Variants in SAMD12 observed in about 807,000 individuals in gnomAD.
The protein encoded by SAMD12 is sterile alpha motif domain-containing protein 12.
A neutral mutation model predicts 15.0 loss-of-function variants in SAMD12; 9 were observed. That is an observed-to-expected ratio of 0.60 (90% CI 0.36 to 1.05). The LOEUF (loss-of-function observed/expected upper bound fraction) is 1.05. Among genes scored for constraint, SAMD12 ranks in the 50% least tolerant of loss-of-function variants. The pLI is 0.01. For missense variants in SAMD12, 230 were observed against 234.2 expected (o/e 0.98, Z 0.12); for synonymous variants, 86 against 90.1 (o/e 0.96, Z 0.25).
intron 4 of SAMD12, among the ~76,000 whole-genome samples, chr8:118,215,846 T>A (rs1226371487): frequency 1.3e-5 from 2 of 152,194 alleles, no homozygotes; most frequent in African/African-American, 2.4e-5. Flanking sequence ...TGCCACATTT[T>A]CTTAATCCAG....
intron 3 of SAMD12, 113 bp from the exon 4 acceptor site, chr8:118,379,813 A>T (rs16890920): frequency 3.0e-6 from 4 of 1,314,456 alleles, no homozygotes; most frequent in Non-Finnish European, 4.1e-6. Context: ...CTAAACACAG[A>T]CATTTTAGAA....
intron 1 of SAMD12, among the ~76,000 whole-genome samples, chr8:118,592,252 C>T (rs1827600383): frequency 6.6e-6 from 1 of 151,526 alleles, no homozygotes; most frequent in Non-Finnish European, 1.5e-5. Flanking sequence ...ACCTGGGAGG[C>T]AGAGGTTGTG....
At chr8:118,211,297 G>A (rs191462369) in intron 4 of SAMD12, among the ~76,000 whole-genome samples, 2 of 152,176 alleles carry the variant, frequency 1.3e-5, no homozygotes, top group Non-Finnish European at 2.9e-5. Flanking sequence ...TATTAGAAGC[G>A]ATGGAGTCTC....
chr8:118,326,864 C>T (rs1816590929), intron 4 of SAMD12, among the ~76,000 whole-genome samples: 1 of 152,156 alleles, frequency 6.6e-6, no homozygotes, highest in African/African-American at 2.4e-5. Context: ...CTACATGATT[C>T]CATTTAGCAG....
chr8:118,465,848 G>A (rs1439153682), intron 2 of SAMD12, among the ~76,000 whole-genome samples: 1 of 152,142 alleles, frequency 6.6e-6, no homozygotes, highest in Admixed American at 6.6e-5. Flanking sequence ...AAGTGAGGCA[G>A]TCCTGGGGAT....
intron 3 of SAMD12, among the ~76,000 whole-genome samples, chr8:118,403,937 A>G (rs1341012650): frequency 1.3e-5 from 2 of 152,184 alleles, no homozygotes; most frequent in Admixed American, 6.5e-5. Context: ...GGTTTCCAGC[A>G]ATATAAGTCT....
intron 1 of SAMD12, among the ~76,000 whole-genome samples, chr8:118,600,561 A>G (rs1827834711): frequency 6.6e-6 from 1 of 152,224 alleles, no homozygotes; most frequent in Admixed American, 6.5e-5. Flanking sequence ...TTCTGGCATC[A>G]CTAGTGACTC....
At chr8:118,260,729 C>T (rs1199740610) in intron 4 of SAMD12, among the ~76,000 whole-genome samples, 1 of 152,092 alleles carries the variant, frequency 6.6e-6, no homozygotes, top group Admixed American at 6.6e-5. Flanking sequence ...CCTTGGCAGG[C>T]TATCCTGTGT....
intron 4 of SAMD12, among the ~76,000 whole-genome samples, chr8:118,291,605 C>T (rs1201592171): frequency 1.3e-5 from 2 of 152,086 alleles, no homozygotes; most frequent in Non-Finnish European, 2.9e-5. Context: ...TGCCAGTCCT[C>T]AGCTCTGAAG....
Position 118,379,375 on chromosome 8 carries a change from T to C in SAMD12, c.*42A>G. The stretch of plus-strand genomic sequence containing the variant: ...TCCATTACTTATTTGTGCATCCTTC[T>C]CCCTAGTGAGCTATGAAAAAAGTTT... On this transcript the variant is annotated 3_prime_UTR_variant, in exon 4 of 4. Coordinates refer to ENST00000314727, the MANE Select transcript of SAMD12 (RefSeq NM_207506.3). 1 of 1,592,326 alleles carries C rather than the reference T, an allele frequency of 6.3e-7. No individual in the cohort carries two copies. Among genetic ancestry groups the C allele is most frequent in the Non-Finnish European group, 8.5e-7 (1 of 1,170,710 alleles).
At chr8:118,604,859 T>C (rs942852411) in intron 1 of SAMD12, among the ~76,000 whole-genome samples, 2 of 151,832 alleles carry the variant, frequency 1.3e-5, no homozygotes, top group Non-Finnish European at 2.9e-5. Flanking sequence ...GGGACGGAGC[T>C]TGCAGTGAGC....
At chr8:118,293,331 A>G (rs1429096620) in intron 4 of SAMD12, among the ~76,000 whole-genome samples, 2 of 152,246 alleles carry the variant, frequency 1.3e-5, no homozygotes, top group Admixed American at 1.3e-4. Flanking sequence ...TTTTTAATAC[A>G]ACCAACTCTG....
chr8:118,280,350 A>C (rs1813589387), intron 4 of SAMD12, among the ~76,000 whole-genome samples: 2 of 152,204 alleles, frequency 1.3e-5, no homozygotes, highest in Admixed American at 1.3e-4. Context: ...AGTCACTCAA[A>C]GTGCACTGAA....
At chr8:118,565,656 T>G (rs2131221242) in intron 2 of SAMD12, among the ~76,000 whole-genome samples, 1 of 152,342 alleles carries the variant, frequency 6.6e-6, no homozygotes, top group Middle Eastern at 3.4e-3. Context: ...TGACATCTCT[T>G]GGCTATAACT....
chr8:118,556,947 G>A (rs1380111180), intron 2 of SAMD12, among the ~76,000 whole-genome samples: 1 of 151,452 alleles, frequency 6.6e-6, no homozygotes, highest in Non-Finnish European at 1.5e-5. Context: ...CCAGGCGACA[G>A]TGCGAGACTC....
At chr8:118,536,748 T>C (rs1371251952) in intron 2 of SAMD12, among the ~76,000 whole-genome samples, 1 of 152,212 alleles carries the variant, frequency 6.6e-6, no homozygotes, top group East Asian at 1.9e-4. Flanking sequence ...AAAGTTGTTG[T>C]AGTTATTTTT....
chr8:118,302,343 T>A (rs1327458755), intron 4 of SAMD12, among the ~76,000 whole-genome samples: 1 of 152,178 alleles, frequency 6.6e-6, no homozygotes, highest in Admixed American at 6.5e-5. Flanking sequence ...ATAATGTGTT[T>A]ATTGAGTATG....
chr8:118,290,603 A>T (rs1309177859), intron 4 of SAMD12, among the ~76,000 whole-genome samples: 1 of 152,250 alleles, frequency 6.6e-6, no homozygotes, highest in Non-Finnish European at 1.5e-5. Flanking sequence ...ACATTAACTG[A>T]AAGAGTTAAC....
intron 3 of SAMD12, among the ~76,000 whole-genome samples, chr8:118,391,804 T>G (rs1319991673): frequency 3.3e-5 from 5 of 152,208 alleles, no homozygotes; most frequent in Non-Finnish European, 7.3e-5. Flanking sequence ...AGTAACATAC[T>G]TTTGCCTTCA....
Sources: allele counts gnomAD v4.1 joint callset (sites outside exome capture counted in the v4.1 genomes callset), GRCh38; gene constraint gnomAD v4.1.1; transcripts MANE v1.5; gene names NCBI Gene and HGNC (gene_info 2026-07-23, HGNC 2026-07-21).